Variants in TRIM21 observed in about 807,000 individuals in gnomAD.
TRIM21 encodes E3 ubiquitin-protein ligase TRIM21.
A neutral mutation model predicts 36.1 loss-of-function variants in TRIM21; 35 were observed. That is an observed-to-expected ratio of 0.97 (90% CI 0.74 to 1.28). The LOEUF is 1.28. Among genes scored for constraint, TRIM21 ranks in the 50% most tolerant of loss-of-function variants. TRIM21 has a pLI of 0.00. For missense variants in TRIM21, 635 were observed against 570.7 expected, an observed-to-expected ratio of 1.11 and a Z score of -1.15; for synonymous variants, 256 against 211.5, an observed-to-expected ratio of 1.21 and a Z score of -1.83.
rs369699546 is a variant in TRIM21, at chr11:4,390,406, C to T, written c.4G>A (p.Ala2Thr). ...ATCATTGTCAAGCGTGCTGCTGAAGCCATTGTCAAGTGTGCCGTTAAACAG... is the reference window on the plus strand; with the variant it reads ...ATCATTGTCAAGCGTGCTGCTGAAGTCATTGTCAAGTGTGCCGTTAAACAG... M[A>T]SAARLTMMWE... is the part of the protein sequence containing the mutation. The change falls in exon 2 of 7, where the codon GCT becomes ACT. Residue 2 changes from alanine (A) to threonine (T), a missense_variant. Physicochemically the swap from Ala to Thr is moderately conservative, Grantham distance 58 (BLOSUM62 0). Transcript: ENST00000254436. 3.7e-6 allele frequency: 6 copies of T among 1,603,188 alleles called. No homozygotes were observed. Among genetic ancestry groups the T allele is most frequent in the African/African-American group, 1.3e-5 (1 of 74,712 alleles).
In TRIM21 at chr11:4,390,129, A is replaced by G. The variant is rs754776451; in HGVS notation, c.281T>C (p.Val94Ala). ...GAACAGGTGAAGTCTCTCTCCATGC[A>G]CTGCACACCGTTCCCCCTGTGTGCC... ...REGTQGERCA[V>A]HGERLHLFCE... The change falls in exon 2 of 7, where the codon GTG becomes GCG. Residue 94 changes from valine to alanine, a missense_variant. Coordinates refer to ENST00000254436, the MANE Select transcript of TRIM21 (RefSeq NM_003141.4). The G allele has an allele frequency of 2.5e-6, 4 of 1,613,962 alleles. No homozygotes were observed. In the South Asian group the frequency reaches 4.4e-5, roughly 18 times the overall value.
rs750110927 is a variant in TRIM21, at chr11:4,385,310, C to T, written c.1403G>A (p.Gly468Glu). The part of the protein sequence containing the change: ...APLTLCPLNI[G>E]SQGSTDY Reference sequence around the variant, plus strand: ...TCAATAGTCAGTGGATCCTTGTGATCCAATATTCAGTGGACAGAGGGTTAG... The same window carrying T: ...TCAATAGTCAGTGGATCCTTGTGATTCAATATTCAGTGGACAGAGGGTTAG... The change falls in exon 7 of 7, where the codon GGA becomes GAA. Residue 468 changes from glycine (G) to glutamate (E), a missense_variant. Gly to Glu is a moderately conservative substitution (Grantham distance 98). Transcript: ENST00000254436. The T allele has an allele frequency of 5.4e-5, 87 of 1,612,374 alleles. No individual in the cohort carries two copies. Among genetic ancestry groups the T allele is most frequent in the Non-Finnish European group, 7.0e-5 (83 of 1,179,656 alleles).
intron 5 of TRIM21, 32 bp from the exon 6 acceptor site, chr11:4,386,289 C>G (rs545955461): frequency 6.4e-7 from 1 of 1,556,620 alleles, no homozygotes; most frequent in Non-Finnish European, 8.9e-7. Context: ...ACTCCTGTCT[C>G]CTACTCCTAT....
chr11:4,385,885 A>G lies in TRIM21; in HGVS notation c.860-32T>C, dbSNP rs1324501713. 5.8e-6 allele frequency: 9 copies of G among 1,552,416 alleles called. No homozygotes were observed. In the South Asian group the frequency reaches 1.1e-4, roughly 19 times the overall value. On this transcript the variant is annotated intron_variant, in intron 6 of 6. Transcript: ENST00000254436. The stretch of plus-strand genomic sequence containing the variant: ...AGAGAGGACCACAGTCAGGCCTTGC[A>G]TGGGGGGAGTTCACTAAGTCTGTGC...
intron 4 of TRIM21, 87 bp downstream of exon 4, chr11:4,388,213 T>C (rs2094958598): frequency 2.7e-6 from 3 of 1,124,194 alleles, no homozygotes; most frequent in Non-Finnish European, 1.3e-6. Flanking sequence ...GGACCAGGTG[T>C]CCATTTATTC....
At chr11:4,387,114 T>C (rs1390357364) in intron 4 of TRIM21, 124 bp from the exon 5 acceptor site, 2 of 958,350 alleles carry the variant, frequency 2.1e-6, no homozygotes, top group African/African-American at 3.3e-5. Context: ...CCTCTGGTCC[T>C]AGGCCCCAGA....
At position 4,390,191 on chromosome 11, in the gene TRIM21, C is replaced by G. The variant is rs769094622; in HGVS notation, c.219G>C (p.Val73=). ...CCTGGCTGATTTCTTTAAGGTTGTT[C>G]ACCATGTTGGCTAGCTGTCGATTGG... The part of the protein sequence containing the change: ...LRPNRQLANM[V]NNLKEISQEA... Residue 73 remains valine, a synonymous_variant, in exon 2 of 7, where the codon GTG becomes GTC. Transcript: ENST00000254436. 1 of 1,614,050 alleles carries G rather than the reference C, an allele frequency of 6.2e-7. No homozygotes were observed. The highest frequency in any genetic ancestry group is 8.5e-7 in the Non-Finnish European group (1 of 1,179,904).
At chr11:4,393,270 C>T (rs2094965213) in intron 1 of TRIM21, among the ~76,000 whole-genome samples, 1 of 152,156 alleles carries the variant, frequency 6.6e-6, no homozygotes, top group African/African-American at 2.4e-5. Context: ...GTAGTCCTGG[C>T]TATCCCAGCC....
chr11:4,389,970 G>T, intron 2 of TRIM21, 32 bp downstream of exon 2: 2 of 1,604,344 alleles, frequency 1.2e-6, no homozygotes, highest in South Asian at 1.1e-5. Flanking sequence ...CTCTGAAAAC[G>T]AAGCACTCAC....
rs1276272057 is a variant in TRIM21, at chr11:4,390,122, T to C, written c.288A>G (p.Gly96=). The change falls in exon 2 of 7, where the codon GGA becomes GGG. Residue 96 remains glycine (G), a synonymous_variant. Coordinates refer to ENST00000254436, the MANE Select transcript of TRIM21 (RefSeq NM_003141.4). ...GTQGERCAVH[G]ERLHLFCEKD... ...TCTCACAGAACAGGTGAAGTCTCTC[T>C]CCATGCACTGCACACCGTTCCCCCT... 3.7e-6 allele frequency: 6 copies of C among 1,614,024 alleles called. No individual in the cohort carries two copies. In the South Asian group the frequency reaches 5.5e-5, roughly 15 times the overall value.
At chr11:4,386,473 G>A (rs1455807635) in intron 5 of TRIM21, 6 of 616,434 alleles carry the variant, frequency 9.7e-6, no homozygotes, top group African/African-American at 1.8e-5. Context: ...GCAGCATGTG[G>A]ACAGTCTGTC....
In TRIM21 at chr11:4,390,356, G is replaced by T; in HGVS notation, c.54C>A (p.Ile18=). ...TMMWEEVTCP[I]CLDPFVEPVS... is the part of the protein sequence containing the mutation. ...CAGGCTCCACGAAGGGGTCCAGGCA[G>T]ATAGGGCATGTGACCTCCTCCCACA... Residue 18 remains isoleucine, a synonymous_variant, in exon 2 of 7, where the codon ATC becomes ATA. Transcript: ENST00000254436. 14 of 1,613,806 alleles carry T rather than the reference G, an allele frequency of 8.7e-6. No homozygotes were observed. Among genetic ancestry groups the T allele is most frequent in the Non-Finnish European group, 1.1e-5 (13 of 1,179,750 alleles).
rs1415838232 is a variant in TRIM21, at chr11:4,393,647, C to A, written c.-64G>T. The A allele has an allele frequency of 6.6e-6, 1 of 152,234 alleles. No homozygotes were observed. Among genetic ancestry groups the A allele is most frequent in the Non-Finnish European group, 1.5e-5 (1 of 68,092 alleles). 9.4% of individuals were successfully genotyped at this position (152,234 alleles called of 1,614,324 possible). A position where few individuals can be genotyped will look rare whatever the true frequency, so the allele number is the denominator to read the frequency against. ...GGTTCACTCACCTTTACAGGGGACT[C>A]AACGCTGGTAGCCAGCTCCCTATTT... On this transcript the variant is annotated 5_prime_UTR_variant, in exon 1 of 7. Transcript: ENST00000254436.
intron 3 of TRIM21, 125 bp from the exon 4 acceptor site, chr11:4,388,655 A>G (rs1208878758): frequency 4.6e-6 from 4 of 875,572 alleles, no homozygotes; most frequent in Admixed American, 2.1e-5. Context: ...GAAAACACAC[A>G]CACATGCACA....
Position 4,390,059 on chromosome 11 carries a change from A to C in TRIM21, c.351T>G (p.Ser117=). The part of the protein sequence containing the change: ...GKALCWVCAQ[S]RKHRDHAMVP... ...CCATGGCGTGGTCACGGTGTTTCCG[A>C]GACTGGGCACATACCCAGCAAAGGG... Residue 117 remains serine (S), a synonymous_variant, in exon 2 of 7, where the codon TCT becomes TCG. Coordinates refer to ENST00000254436, the MANE Select transcript of TRIM21 (RefSeq NM_003141.4). 1 of 1,613,946 alleles carries C rather than the reference A, an allele frequency of 6.2e-7. No homozygotes were observed. Among genetic ancestry groups the C allele is most frequent in the Non-Finnish European group, 8.5e-7 (1 of 1,179,876 alleles).
intron 4 of TRIM21, among the ~76,000 whole-genome samples, chr11:4,387,350 C>A (rs2094957374): frequency 6.6e-6 from 1 of 151,838 alleles, no homozygotes. Context: ...CAGAGAATGG[C>A]CGAGTTCAGG....
intron 2 of TRIM21, 72 bp downstream of exon 2, chr11:4,389,930 A>G: frequency 6.4e-7 from 1 of 1,571,048 alleles, no homozygotes; most frequent in Non-Finnish European, 8.7e-7. Flanking sequence ...TAACCCCTCC[A>G]ATCCAGAGGT....
chr11:4,388,204 G>C (rs1157378477), intron 4 of TRIM21, 96 bp downstream of exon 4: 1 of 1,056,084 alleles, frequency 9.5e-7, no homozygotes, highest in African/African-American at 1.6e-5. Context: ...ACATTCCAGG[G>C]ACCAGGTGTC....
At position 4,385,377 on chromosome 11, in the gene TRIM21, A is replaced by T. The variant is rs199881122; in HGVS notation, c.1336T>A (p.Phe446Ile). 2,574 of 1,613,810 alleles carry T rather than the reference A, an allele frequency of 1.6e-3. 6 individuals carry two copies. The highest frequency in any genetic ancestry group is 2.1e-3 in the Non-Finnish European group (2,472 of 1,179,842). The change falls in exon 7 of 7, where the codon TTC becomes ATC. Residue 446 changes from phenylalanine (F) to isoleucine (I), a missense_variant. Coordinates refer to ENST00000254436, the MANE Select transcript of TRIM21 (RefSeq NM_003141.4). ...CAFTGPLRPFFSPGFNDGGKN... is the reference protein window; with the variant it reads ...CAFTGPLRPFISPGFNDGGKN... ...CCTCCATCATTGAAACCAGGACTGAAGAAGGGCCGCAGAGGTCCTGTAAAG... is the reference window on the plus strand; with the variant it reads ...CCTCCATCATTGAAACCAGGACTGATGAAGGGCCGCAGAGGTCCTGTAAAG...
Sources: allele counts gnomAD v4.1 joint callset (sites outside exome capture counted in the v4.1 genomes callset), GRCh38; gene constraint gnomAD v4.1.1; transcripts MANE v1.5; gene names NCBI Gene and HGNC (gene_info 2026-07-23, HGNC 2026-07-21).